Variants in NRXN1 observed in about 807,000 individuals in gnomAD.
NRXN1 encodes the protein neurexin-1.
NRXN1 carries 39 observed loss-of-function variants against 150.9 expected under a neutral mutation model. That is an observed-to-expected ratio of 0.26 (90% CI 0.20 to 0.34). NRXN1 has a LOEUF of 0.34. NRXN1 is among the 10% of genes least tolerant of loss of function. NRXN1 has a pLI of 1.00. For synonymous variants in NRXN1, 924 were observed against 757.0 expected (o/e 1.22, Z -3.62); for missense variants, 1,815 against 1,949.9 (o/e 0.93, Z 1.30).
intron 19 of NRXN1, among the ~76,000 whole-genome samples, chr2:50,057,042 C>T (rs548320181): frequency 3.3e-5 from 5 of 152,266 alleles, no homozygotes; most frequent in African/African-American, 1.2e-4. Flanking sequence ...TGACAGACCT[C>T]TCTACATCTT....
intron 1 of NRXN1, among the ~76,000 whole-genome samples, chr2:51,030,961 TC>T (rs1239242443): frequency 6.6e-6 from 1 of 152,052 alleles, no homozygotes; most frequent in Non-Finnish European, 1.5e-5. Flanking sequence ...TAACCTTTTT[TC>T]TCCCGTCCCT....
Position 50,489,809 on chromosome 2 carries a change from G to A in NRXN1, c.3070+6096C>T, listed in dbSNP as rs1381342979. 2.0e-5 allele frequency among the ~76,000 whole-genome samples: 3 copies of A among 152,296 alleles called. No homozygotes were observed. In the East Asian group the frequency reaches 5.8e-4, roughly 29 times the overall value. On this transcript the variant is annotated intron_variant, in intron 15 of 22. Coordinates refer to ENST00000401669, the MANE Select transcript of NRXN1 (RefSeq NM_001330078.2). ...AGAATTTACACTCTGCTGAAATACT[G>A]TGAGCTGGGCCAAGAACCACAGGGA...
At chr2:50,373,971 A>C (rs2080296378) in intron 17 of NRXN1, among the ~76,000 whole-genome samples, 1 of 151,994 alleles carries the variant, frequency 6.6e-6, no homozygotes, top group Non-Finnish European at 1.5e-5. Flanking sequence ...TAGAGATTGA[A>C]AGGGTTAGGG....
At chr2:50,555,879 T>A (rs753466696) in intron 8 of NRXN1, among the ~76,000 whole-genome samples, 2 of 152,136 alleles carry the variant, frequency 1.3e-5, no homozygotes, top group Non-Finnish European at 2.9e-5. Flanking sequence ...TCACACACAT[T>A]TTGTGGGGTA....
intron 8 of NRXN1, among the ~76,000 whole-genome samples, chr2:50,601,722 T>A (rs1260588854): frequency 1.3e-5 from 2 of 152,182 alleles, no homozygotes; most frequent in Admixed American, 1.3e-4. Context: ...CCTGAAGGAT[T>A]TAAAAACCAT....
intron 21 of NRXN1, among the ~76,000 whole-genome samples, chr2:49,977,076 C>G (rs940741497): frequency 2.6e-5 from 4 of 151,956 alleles, no homozygotes; most frequent in African/African-American, 9.7e-5. Context: ...TTATGTTGTC[C>G]AAAACTGAAA....
chr2:50,634,963 C>T (rs193069942), intron 5 of NRXN1, among the ~76,000 whole-genome samples: 1 of 152,092 alleles, frequency 6.6e-6, no homozygotes, highest in South Asian at 2.1e-4. Flanking sequence ...TCTGTCTCAT[C>T]CCCCAGCTCA....
chr2:50,386,584 T>C (rs557064338), intron 17 of NRXN1, among the ~76,000 whole-genome samples: 1 of 149,696 alleles, frequency 6.7e-6, no homozygotes, highest in Non-Finnish European at 1.5e-5. Context: ...AACCCCCAAA[T>C]TGAGACCTTC....
intron 21 of NRXN1, among the ~76,000 whole-genome samples, chr2:49,951,813 GATTA>G (rs1674016306): frequency 6.6e-6 from 1 of 151,870 alleles, no homozygotes; most frequent in Non-Finnish European, 1.5e-5. Flanking sequence ...CTAATTAATA[GATTA>G]ATTAGTCACA....
At chr2:50,758,665 A>G (rs1701434694) in intron 5 of NRXN1, among the ~76,000 whole-genome samples, 1 of 151,918 alleles carries the variant, frequency 6.6e-6, no homozygotes, top group Non-Finnish European at 1.5e-5. Flanking sequence ...CCAGAAATGA[A>G]TTCGACTGGT....
chr2:50,417,635 A>G (rs534379280), intron 17 of NRXN1, among the ~76,000 whole-genome samples: 1 of 152,004 alleles, frequency 6.6e-6, no homozygotes, highest in South Asian at 2.1e-4. Context: ...AGCTATCACA[A>G]TTCTAAATAA....
intron 12 of NRXN1, among the ~76,000 whole-genome samples, chr2:50,509,053 T>C (rs1320878836): frequency 6.6e-6 from 1 of 152,150 alleles, no homozygotes; most frequent in Non-Finnish European, 1.5e-5. Context: ...TCTGTTGTCT[T>C]GCTTCACCTT....
intron 5 of NRXN1, among the ~76,000 whole-genome samples, chr2:50,892,656 T>C (rs1185975717): frequency 6.6e-6 from 1 of 152,130 alleles, no homozygotes. Context: ...CCTGCAAACA[T>C]TTAAAGTTCT....
intron 17 of NRXN1, among the ~76,000 whole-genome samples, chr2:50,299,997 T>A (rs2074004820): frequency 6.6e-6 from 1 of 152,258 alleles, no homozygotes; most frequent in South Asian, 2.1e-4. Flanking sequence ...AAATGGGCAT[T>A]TGGGAATTTT....
chr2:50,480,764 A>C (rs548501147), intron 15 of NRXN1, among the ~76,000 whole-genome samples: 1 of 152,308 alleles, frequency 6.6e-6, no homozygotes, highest in South Asian at 2.1e-4. Context: ...TACACATCTA[A>C]CAGTATATTG....
At chr2:50,583,838 G>A (rs1361234157) in intron 8 of NRXN1, among the ~76,000 whole-genome samples, 3 of 152,164 alleles carry the variant, frequency 2.0e-5, no homozygotes, top group Non-Finnish European at 2.9e-5. Flanking sequence ...AAAGTAAGAT[G>A]ATGATACACA....
At chr2:50,277,579 G>A (rs578054313) in intron 17 of NRXN1, among the ~76,000 whole-genome samples, 1 of 147,744 alleles carries the variant, frequency 6.8e-6, no homozygotes, top group South Asian at 2.1e-4. Context: ...TCTTAGCCAG[G>A]AGATTTTAAG....
At chr2:51,006,484 A>C (rs1301868634) in intron 2 of NRXN1, among the ~76,000 whole-genome samples, 1 of 151,962 alleles carries the variant, frequency 6.6e-6, no homozygotes, top group Non-Finnish European at 1.5e-5. Context: ...AACGTGGCAC[A>C]TGTATGTATA....
intron 21 of NRXN1, among the ~76,000 whole-genome samples, chr2:49,962,306 T>C (rs888723095): frequency 2.0e-5 from 3 of 152,212 alleles, no homozygotes; most frequent in Non-Finnish European, 4.4e-5. Context: ...AATGCTTCAA[T>C]TGACTGTTAA....
Sources: gnomAD v4.1 joint callset for allele counts (sites outside exome capture counted in the v4.1 genomes callset) on GRCh38, gnomAD v4.1.1 for gene constraint, MANE v1.5 for transcripts, NCBI Gene and HGNC (gene_info 2026-07-23, HGNC 2026-07-21) for gene names.